DDX47: variants seen among roughly 807,000 people sequenced by gnomAD.
The protein encoded by DDX47 is probable ATP-dependent RNA helicase DDX47.
Under a neutral mutation model 58.8 loss-of-function variants are expected in DDX47, and 60 were observed. The ratio of observed to expected loss-of-function variants is 1.02; its 90% confidence interval spans 0.83 to 1.26. The LOEUF is 1.26. DDX47 is among the 50% of genes most tolerant of loss of function. DDX47 has a pLI of 0.00. For synonymous variants in DDX47, 197 were observed against 204.6 expected, an observed-to-expected ratio of 0.96 and a Z score of 0.32; for missense variants, 530 against 573.2, an observed-to-expected ratio of 0.92 and a Z score of 0.77.
chr12:12,817,640 G>C (rs1026351536), intron 2 of DDX47, among the ~76,000 whole-genome samples: 1 of 152,184 alleles, frequency 6.6e-6, no homozygotes, highest in East Asian at 1.9e-4. Context: ...TATGTTCGGT[G>C]CCAGCAATGT....
intron 8 of DDX47, 87 bp from the exon 9 acceptor site, chr12:12,824,453 T>G: frequency 1.4e-6 from 2 of 1,457,166 alleles, no homozygotes; most frequent in South Asian, 1.3e-5. Context: ...AAAATTTATG[T>G]CTGTTTGTTC....
chr12:12,822,204 T>A (rs1306272141), intron 5 of DDX47, 121 bp downstream of exon 5: 2 of 656,414 alleles, frequency 3.0e-6, no homozygotes, highest in East Asian at 2.6e-5. Flanking sequence ...TTCTTGATAT[T>A]CTTCAAATTG....
At chr12:12,820,776 C>A in intron 2 of DDX47, 1 of 186,462 alleles carries the variant, frequency 5.4e-6, no homozygotes, top group Non-Finnish European at 1.1e-5. Flanking sequence ...GCTGGGGTTA[C>A]AGGCGTGAGC....
intron 2 of DDX47, chr12:12,820,647 A>G (rs1222738984): frequency 1.3e-5 from 2 of 154,994 alleles, no homozygotes; most frequent in African/African-American, 4.8e-5. Flanking sequence ...GATTACAGGC[A>G]TGCACCACCA....
At chr12:12,823,471 C>A in intron 7 of DDX47, 152 bp downstream of exon 7, 1 of 620,566 alleles carries the variant, frequency 1.6e-6, no homozygotes, top group Non-Finnish European at 2.9e-6. Flanking sequence ...ATATTATCAC[C>A]GATAAGCCAG....
At position 12,829,612 on chromosome 12, in the gene DDX47, C is replaced by T. The variant is rs1863102622; in HGVS notation, c.*58C>T. On this transcript the variant is annotated 3_prime_UTR_variant, in exon 12 of 12. Transcript: ENST00000358007. Reference sequence around the variant, plus strand: ...TGTAAAAGAGAATTGGAGAATGAAACCTGCTCCAACAGAGATCATGAGACT... The same window carrying T: ...TGTAAAAGAGAATTGGAGAATGAAATCTGCTCCAACAGAGATCATGAGACT... 16 of 1,585,842 alleles carry T rather than the reference C, an allele frequency of 1.0e-5. No individual in the cohort carries two copies. The highest frequency in any genetic ancestry group is 1.4e-5 in the Non-Finnish European group (16 of 1,165,278).
chr12:12,814,568 A>G (rs188618080), intron 2 of DDX47: 61 of 188,920 alleles, frequency 3.2e-4, no homozygotes, highest in African/African-American at 1.4e-3. Flanking sequence ...GGAGTTGAGA[A>G]TTCTTGCTGT....
At chr12:12,815,931 G>A (rs955741558) in intron 2 of DDX47, among the ~76,000 whole-genome samples, 1 of 152,132 alleles carries the variant, frequency 6.6e-6, no homozygotes, top group Non-Finnish European at 1.5e-5. Flanking sequence ...AAACCAATTA[G>A]TAGGTCTTTG....
At chr12:12,829,245 G>A (rs1010576659) in intron 11 of DDX47, among the ~76,000 whole-genome samples, 178 bp from the exon 12 acceptor site, 4 of 152,156 alleles carry the variant, frequency 2.6e-5, no homozygotes, top group African/African-American at 9.7e-5. Context: ...TAGTGTTCAC[G>A]TTTTGATTAC....
intron 5 of DDX47, among the ~76,000 whole-genome samples, chr12:12,822,349 TC>T (rs1389447918): frequency 2.6e-5 from 4 of 152,212 alleles, no homozygotes; most frequent in Non-Finnish European, 5.9e-5. Context: ...ATCTTTATTT[TC>T]TTTGATGACC....
intron 2 of DDX47, among the ~76,000 whole-genome samples, chr12:12,817,842 T>C (rs915856650): frequency 1.3e-5 from 2 of 152,200 alleles, no homozygotes; most frequent in African/African-American, 4.8e-5. Flanking sequence ...CTGAAAGCAG[T>C]GCAGGCCTCA....
intron 2 of DDX47, among the ~76,000 whole-genome samples, chr12:12,816,625 A>G (rs1270730817): frequency 6.6e-6 from 1 of 152,224 alleles, no homozygotes; most frequent in Non-Finnish European, 1.5e-5. Context: ...TAGATTGGCA[A>G]AGATGACAGA....
At position 12,821,304 on chromosome 12, in the gene DDX47, T is replaced by A. The variant is rs935610019; in HGVS notation, c.278T>A (p.Leu93Ter). 6.2e-7 allele frequency: 1 copy of A among 1,614,210 alleles called. No homozygotes were observed. The highest frequency in any genetic ancestry group is 1.1e-5 in the South Asian group (1 of 91,084). ...LNALLETPQR[L>*]FALVLTPTRE... The stretch of plus-strand genomic sequence containing the variant: ...GCACTGCTGGAGACCCCGCAGCGTT[T>A]GTTTGCCCTAGTTCTTACCCCGACT... The change falls in exon 3 of 12, where the codon TTG becomes TAG. Residue 93 changes from leucine (L) to a stop codon, truncating the protein, a stop_gained. Coordinates refer to ENST00000358007, the MANE Select transcript of DDX47 (RefSeq NM_016355.4). LOFTEE classifies it high-confidence loss of function.
chr12:12,829,687 T>C lies in DDX47; in HGVS notation c.*133T>C. The C allele has an allele frequency of 2.6e-6, 3 of 1,164,658 alleles. No homozygotes were observed. The highest frequency in any genetic ancestry group is 3.5e-6 in the Non-Finnish European group (3 of 845,832). 72.1% of individuals were successfully genotyped at this position (1,164,658 alleles called of 1,614,324 possible). On this transcript the variant is annotated 3_prime_UTR_variant, in exon 12 of 12. Coordinates refer to ENST00000358007, the MANE Select transcript of DDX47 (RefSeq NM_016355.4). The stretch of plus-strand genomic sequence containing the variant: ...AATGTGCTCAGCTAATTCAGTATTC[T>C]TCCCCATTCTGGGTTGGAGTTTACT...
rs1026972410 is a variant in DDX47 at position 12,826,212 on chromosome 12, A to G, written c.1106+142A>G. On this transcript the variant is annotated intron_variant, in intron 10 of 11. Coordinates refer to ENST00000358007, the MANE Select transcript of DDX47 (RefSeq NM_016355.4). The stretch of plus-strand genomic sequence containing the variant: ...AGGATGAAGGAGTTGAAAGATGGGA[A>G]TAATAATACCTATCTAGCAGGGTTT... 2.5e-5 allele frequency: 15 copies of G among 598,612 alleles called. No homozygotes were observed. In the East Asian group the frequency reaches 3.3e-4, roughly 13 times the overall value. The allele number at this position is 598,612 out of a possible 1,614,324, so 37.1% of individuals were successfully genotyped here.
rs766813348 is a variant in DDX47 at position 12,823,969 on chromosome 12, C to T, written c.850C>T (p.Arg284Ter). 1.2e-5 allele frequency: 20 copies of T among 1,613,988 alleles called. No individual in the cohort carries two copies. The highest frequency in any genetic ancestry group is 4.0e-5 in the African/African-American group (3 of 74,912). ...TACCCAGAGAACAGCTTTGCTACTG[C>T]GAAATCTTGGCTTCACTGCCATCCC... Reference protein sequence around the residue: ...NNTQRTALLLRNLGFTAIPLH... With the variant: ...NNTQRTALLL Residue 284 changes from arginine to a stop codon, truncating the protein, a stop_gained, in exon 8 of 12, where the codon CGA becomes TGA. Transcript: ENST00000358007. LOFTEE classifies it high-confidence loss of function.
intron 2 of DDX47, chr12:12,820,707 G>A (rs1441329516): frequency 1.9e-5 from 3 of 159,674 alleles, no homozygotes; most frequent in Non-Finnish European, 2.7e-5. Flanking sequence ...TTCCTTGTTG[G>A]TCAGACTGGT....
In DDX47 at chr12:12,825,997, T is replaced by C; in HGVS notation, c.1036-3T>C. ...TTGAATTTATTTACCCTTTTTGTTT[T>C]AGGATTACATCCATCGAGTAGGTCG... On this transcript the variant is annotated splice_region_variant and splice_polypyrimidine_tract_variant and intron_variant, in intron 9 of 11. Coordinates refer to ENST00000358007, the MANE Select transcript of DDX47 (RefSeq NM_016355.4). 1 of 1,607,172 alleles carries C rather than the reference T, an allele frequency of 6.2e-7. No homozygotes were observed. Among genetic ancestry groups the C allele is most frequent in the Non-Finnish European group, 8.5e-7 (1 of 1,177,032 alleles).
intron 11 of DDX47, among the ~76,000 whole-genome samples, chr12:12,828,626 G>A (rs1294606604): frequency 6.6e-6 from 1 of 152,126 alleles, no homozygotes; most frequent in Non-Finnish European, 1.5e-5. Context: ...GAGTAGCTGA[G>A]GTGCACATTT....
Sources: gnomAD v4.1 joint callset for allele counts (sites outside exome capture counted in the v4.1 genomes callset) on GRCh38, gnomAD v4.1.1 for gene constraint, MANE v1.5 for transcripts, NCBI Gene and HGNC (gene_info 2026-07-23, HGNC 2026-07-21) for gene names.